The following TTLL5 variants were observed in gnomAD, a reference collection of about 807,000 sequenced individuals.
TTLL5 encodes the protein tubulin polyglutamylase TTLL5.
A neutral mutation model predicts 168.4 loss-of-function variants in TTLL5; 132 were observed. That is an observed-to-expected ratio of 0.78 (90% CI 0.68 to 0.91). The LOEUF (loss-of-function observed/expected upper bound fraction) is 0.91, where lower values mean the gene tolerates loss of function less well. Ranked by LOEUF, TTLL5 falls within the 40% of genes least tolerant of loss-of-function variation. The pLI is 0.00. For missense variants in TTLL5, 1,545 were observed against 1,581.5 expected (o/e 0.98, Z 0.39); for synonymous variants, 546 against 558.6 (o/e 0.98, Z 0.32).
chr14:75,846,131 C>A (rs1896529253), intron 28 of TTLL5, among the ~76,000 whole-genome samples: 1 of 152,194 alleles, frequency 6.6e-6, no homozygotes, highest in Non-Finnish European at 1.5e-5. Context: ...AAGAGGCTAA[C>A]TATCAATATA....
At chr14:75,901,032 C>A (rs186990525) in intron 30 of TTLL5, among the ~76,000 whole-genome samples, 1 of 152,156 alleles carries the variant, frequency 6.6e-6, no homozygotes, top group Admixed American at 6.5e-5. Context: ...GGATGTTGCT[C>A]AACAAAAACA....
At chr14:75,785,176 C>CTTTTTTTTTTTT (rs903930146) in intron 26 of TTLL5, among the ~76,000 whole-genome samples, 1 of 102,558 alleles carries the variant, frequency 9.8e-6, no homozygotes. Context: ...AGATTTCCTC[C>CTTTTTTTTTTTT]TTTTTTTTTT....
chr14:75,914,033 A>AAATATATATATATATATATATAT lies in TTLL5; in HGVS notation c.3823+11810_3823+11811insATATATATATATATATATATATA. Among the ~76,000 whole-genome samples, 4 of 71,100 alleles carry AAATATATATATATATATATATAT rather than the reference A, an allele frequency of 5.6e-5. No homozygotes were observed. The African/African-American group carries it at 6.2e-4, about 11-fold the overall frequency. The allele number at this position is 71,100 out of a possible 152,430, so 46.6% of individuals were successfully genotyped here. A position where few individuals can be genotyped will look rare whatever the true frequency, so the allele number is the denominator to read the frequency against. On this transcript the variant is annotated intron_variant, in intron 31 of 31. Transcript: ENST00000298832. ...GTTTAAAAGGAAAAAAAAAAAAAAAAATATATATATATATATATATATTTT... is the reference window on the plus strand; with the variant it reads ...GTTTAAAAGGAAAAAAAAAAAAAAAAAATATATATATATATATATATATATATATATATATATATATATATTTT...
chr14:75,681,747 G>C, intron 4 of TTLL5, 120 bp downstream of exon 4: 1 of 767,288 alleles, frequency 1.3e-6, no homozygotes, highest in Non-Finnish European at 2.2e-6. Context: ...ATGCTTAGTG[G>C]TGGTCCAGAA....
intron 21 of TTLL5, among the ~76,000 whole-genome samples, chr14:75,772,550 A>C (rs1329643735): frequency 6.6e-6 from 1 of 152,176 alleles, no homozygotes; most frequent in Non-Finnish European, 1.5e-5. Context: ...CAGTCATTTG[A>C]ACATTCCTGG....
chr14:75,788,232 A>C (rs1892492836), intron 26 of TTLL5, among the ~76,000 whole-genome samples: 1 of 152,192 alleles, frequency 6.6e-6, no homozygotes, highest in African/African-American at 2.4e-5. Context: ...TAAAAACAAC[A>C]GTATCATAAA....
At chr14:75,710,439 A>ACACACACAG (rs1566823395) in intron 9 of TTLL5, 4 of 133,280 alleles carry the variant, frequency 3.0e-5, no homozygotes, top group African/African-American at 8.6e-5. Flanking sequence ...CACACACACA[A>ACACACACAG]TGGATGTTTT....
At chr14:75,740,667 CT>C (rs1889203896) in intron 15 of TTLL5, among the ~76,000 whole-genome samples, 1 of 152,148 alleles carries the variant, frequency 6.6e-6, no homozygotes, top group Admixed American at 6.5e-5. Flanking sequence ...TTTAAACCTT[CT>C]CTTAGAAGCC....
At chr14:75,827,836 G>C (rs1895308318) in intron 28 of TTLL5, among the ~76,000 whole-genome samples, 1 of 140,004 alleles carries the variant, frequency 7.1e-6, no homozygotes, top group Admixed American at 7.7e-5. Flanking sequence ...TCCTCCCTCA[G>C]CCTCCCAAGT....
chr14:75,889,198 T>G (rs771270685), intron 30 of TTLL5, among the ~76,000 whole-genome samples: 5 of 152,280 alleles, frequency 3.3e-5, no homozygotes, highest in South Asian at 2.1e-4. Context: ...AATTGGCCAC[T>G]GCAGAAAATT....
intron 30 of TTLL5, among the ~76,000 whole-genome samples, chr14:75,885,382 C>G (rs1354228697): frequency 6.6e-6 from 1 of 151,778 alleles, no homozygotes; most frequent in Non-Finnish European, 1.5e-5. Context: ...GTCCCAGCTA[C>G]TTGGGCGGCT....
chr14:75,773,104 A>G (rs1313977172), intron 21 of TTLL5, among the ~76,000 whole-genome samples: 1 of 152,214 alleles, frequency 6.6e-6, no homozygotes, highest in Non-Finnish European at 1.5e-5. Flanking sequence ...GCAAGTCTTT[A>G]TGCCAGGCTT....
At chr14:75,746,557 CTTT>C (rs71119389) in intron 17 of TTLL5, among the ~76,000 whole-genome samples, 40 of 114,698 alleles carry the variant, frequency 3.5e-4, no homozygotes, top group East Asian at 6.9e-4. Flanking sequence ...CTTTTCTTTT[CTTT>C]TTTTTTTTTT....
chr14:75,689,128 T>A (rs1367953597), intron 5 of TTLL5, among the ~76,000 whole-genome samples: 1 of 152,208 alleles, frequency 6.6e-6, no homozygotes, highest in Non-Finnish European at 1.5e-5. Flanking sequence ...AAACCAGTTG[T>A]CACGTCATGA....
chr14:75,813,305 TG>T (rs1894180488), intron 27 of TTLL5, among the ~76,000 whole-genome samples: 2 of 140,482 alleles, frequency 1.4e-5, no homozygotes, highest in Non-Finnish European at 3.1e-5. Flanking sequence ...TGTGTGTGTG[TG>T]TGTGTGTGTG....
Position 75,895,762 on chromosome 14 carries a change from A to G in TTLL5, c.3741-6380A>G, listed in dbSNP as rs138521767. On this transcript the variant is annotated intron_variant, in intron 30 of 31. Coordinates refer to ENST00000298832, the MANE Select transcript of TTLL5 (RefSeq NM_015072.5). ...AGTTAATTGTTTAATTCGAAAAGCT[A>G]TGAAAGGACAACAGAGTAAACTAAT... 2.3e-3 allele frequency among the ~76,000 whole-genome samples: 355 copies of G among 152,328 alleles called. 3 individuals carry two copies. Among genetic ancestry groups the G allele is most frequent in the African/African-American group, 7.6e-3 (318 of 41,586 alleles).
chr14:75,945,773 G>A (rs2034753878), intron 31 of TTLL5, among the ~76,000 whole-genome samples: 1 of 152,090 alleles, frequency 6.6e-6, no homozygotes, highest in African/African-American at 2.4e-5. Context: ...TACACATATT[G>A]CAGTGAATCA....
chr14:75,895,526 T>TA (rs202074345), intron 30 of TTLL5, among the ~76,000 whole-genome samples: 1,898 of 151,814 alleles, frequency 0.013, 17 homozygotes, highest in South Asian at 0.025. Flanking sequence ...AGGTTTTTTT[T>TA]TAAAAAAAAT....
At chr14:75,773,033 G>A (rs1291947332) in intron 21 of TTLL5, among the ~76,000 whole-genome samples, 1 of 152,150 alleles carries the variant, frequency 6.6e-6, no homozygotes, top group Non-Finnish European at 1.5e-5. Context: ...TGAGAAAGCT[G>A]CATTCTTTGT....
Sources: allele counts gnomAD v4.1 joint callset (sites outside exome capture counted in the v4.1 genomes callset), GRCh38; gene constraint gnomAD v4.1.1; transcripts MANE v1.5; gene names NCBI Gene and HGNC (gene_info 2026-07-23, HGNC 2026-07-21).